The following KIAA1217 variants were observed in gnomAD, a reference collection of about 807,000 sequenced individuals.
The protein encoded by KIAA1217 is sickle tail protein homolog.
KIAA1217 carries 88 observed loss-of-function variants against 163.9 expected under a neutral mutation model. The observed-to-expected ratio is 0.54, with a 90% CI of 0.45 to 0.64. KIAA1217 has a LOEUF of 0.64. Ranked by LOEUF, KIAA1217 falls within the 30% of genes least tolerant of loss-of-function variation. The probability of loss-of-function intolerance (pLI) is 0.00; values close to 1 mark genes in which losing one functional copy is unlikely to be tolerated. For missense variants in KIAA1217, 2,372 were observed against 2,475.0 expected, an observed-to-expected ratio of 0.96 and a Z score of 0.88; for synonymous variants, 903 against 923.1, an observed-to-expected ratio of 0.98 and a Z score of 0.39.
At chr10:23,722,153 G>C (rs943845646) in intron 1 of KIAA1217, among the ~76,000 whole-genome samples, 9 of 152,156 alleles carry the variant, frequency 5.9e-5, no homozygotes, top group African/African-American at 2.2e-4. Context: ...AAGTCAAGAA[G>C]AAAGTAGAAT....
At chr10:24,201,337 C>T (rs534016783) in intron 2 of KIAA1217, among the ~76,000 whole-genome samples, 113 of 152,254 alleles carry the variant, frequency 7.4e-4, no homozygotes, top group Non-Finnish European at 1.4e-3. Flanking sequence ...AAATTAGGCT[C>T]CTAATATAGT....
At chr10:23,735,001 C>G (rs573859131) in intron 1 of KIAA1217, among the ~76,000 whole-genome samples, 3 of 152,092 alleles carry the variant, frequency 2.0e-5, no homozygotes, top group Admixed American at 1.3e-4. Flanking sequence ...GTGTTTTTCC[C>G]CTCTAAAGAA....
At chr10:24,521,057 T>C (rs1282591199) in intron 11 of KIAA1217, among the ~76,000 whole-genome samples, 1 of 147,822 alleles carries the variant, frequency 6.8e-6, no homozygotes, top group Non-Finnish European at 1.5e-5. Flanking sequence ...TTTTTTTTTT[T>C]TTTTCTGGCC....
intron 3 of KIAA1217, among the ~76,000 whole-genome samples, chr10:24,413,388 T>G (rs1204666382): frequency 6.6e-6 from 1 of 152,130 alleles, no homozygotes; most frequent in Non-Finnish European, 1.5e-5. Context: ...GTCAGGCTGG[T>G]CTCCTACTCC....
chr10:24,061,454 T>C (rs1227093776), intron 2 of KIAA1217, among the ~76,000 whole-genome samples: 1 of 152,236 alleles, frequency 6.6e-6, no homozygotes, highest in Non-Finnish European at 1.5e-5. Context: ...CAGTATTCTC[T>C]ATTTGACTAT....
chr10:24,503,478 A>G (rs2067936220), intron 9 of KIAA1217, among the ~76,000 whole-genome samples: 1 of 152,344 alleles, frequency 6.6e-6, no homozygotes. Flanking sequence ...ACAAAGTCAC[A>G]TGTCTTCAGT....
At chr10:23,936,759 T>G (rs1199158085) in intron 1 of KIAA1217, among the ~76,000 whole-genome samples, 2 of 152,228 alleles carry the variant, frequency 1.3e-5, no homozygotes, top group East Asian at 3.9e-4. Context: ...AGATAATACA[T>G]TTCTGTTGTT....
chr10:24,142,162 A>T (rs2064114156), intron 2 of KIAA1217, among the ~76,000 whole-genome samples: 1 of 152,100 alleles, frequency 6.6e-6, no homozygotes, highest in African/African-American at 2.4e-5. Flanking sequence ...TTTTCATCAG[A>T]AATACCTGAT....
At chr10:24,537,276 G>A (rs901525580) in intron 17 of KIAA1217, among the ~76,000 whole-genome samples, 3 of 152,048 alleles carry the variant, frequency 2.0e-5, no homozygotes, top group African/African-American at 7.2e-5. Context: ...TATATGTTAA[G>A]AAAAATAGGT....
At chr10:24,473,175 T>G in intron 5 of KIAA1217, 53 bp from the exon 6 acceptor site, 1 of 1,307,074 alleles carries the variant, frequency 7.7e-7, no homozygotes, top group Non-Finnish European at 1.1e-6. Flanking sequence ...CTGAGACTTC[T>G]CTTGAAACAC....
chr10:23,886,308 C>T (rs1375713558), intron 1 of KIAA1217, among the ~76,000 whole-genome samples: 1 of 151,942 alleles, frequency 6.6e-6, no homozygotes, highest in East Asian at 1.9e-4. Flanking sequence ...GAAACACTTT[C>T]CTTTGAATGT....
At position 23,726,424 on chromosome 10, in the gene KIAA1217, A is replaced by G. The variant is rs1838138041; in HGVS notation, c.-321+31190A>G. Among the ~76,000 whole-genome samples, 2 of 151,936 alleles carry G rather than the reference A, an allele frequency of 1.3e-5. 1 individual carries two copies. Among genetic ancestry groups the G allele is most frequent in the South Asian group, 4.1e-4 (2 of 4,822 alleles). ...AGGGTACGATGGATTAAAGACTTAA[A>G]TGTTAGACCTAAAACCATAGAAACC... On this transcript the variant is annotated intron_variant, in intron 1 of 18. Transcript: ENST00000376462.
chr10:24,479,313 A>G (rs978149850), intron 6 of KIAA1217, among the ~76,000 whole-genome samples: 4 of 151,846 alleles, frequency 2.6e-5, no homozygotes, highest in Non-Finnish European at 5.9e-5. Flanking sequence ...GAAAGTCTAA[A>G]TTCAGATTTA....
intron 2 of KIAA1217, among the ~76,000 whole-genome samples, chr10:24,123,667 T>A (rs564752496): frequency 6.6e-6 from 1 of 152,270 alleles, no homozygotes; most frequent in African/African-American, 2.4e-5. Flanking sequence ...GATGCTTAAG[T>A]CCCACCCCAG....
At chr10:23,705,799 C>T (rs565857999) in intron 1 of KIAA1217, among the ~76,000 whole-genome samples, 12 of 152,222 alleles carry the variant, frequency 7.9e-5, no homozygotes, top group East Asian at 1.9e-4. Context: ...AGAGAGACAG[C>T]GCCAGCTGGG....
intron 1 of KIAA1217, among the ~76,000 whole-genome samples, chr10:23,848,673 TC>T (rs1426140020): frequency 6.6e-6 from 1 of 152,048 alleles, no homozygotes; most frequent in Non-Finnish European, 1.5e-5. Context: ...TCTCAACACC[TC>T]CCTTTCTCTC....
At chr10:23,815,756 G>T (rs1339757590) in intron 1 of KIAA1217, among the ~76,000 whole-genome samples, 1 of 152,164 alleles carries the variant, frequency 6.6e-6, no homozygotes, top group East Asian at 1.9e-4. Flanking sequence ...CATATTTCAT[G>T]TATAATGAGT....
At chr10:24,530,761 G>T (rs2072998300) in intron 14 of KIAA1217, among the ~76,000 whole-genome samples, 1 of 152,136 alleles carries the variant, frequency 6.6e-6, no homozygotes, top group Non-Finnish European at 1.5e-5. Flanking sequence ...CGCTGGGCAT[G>T]GTGGCACACA....
At chr10:24,091,289 T>C (rs1307205794) in intron 2 of KIAA1217, among the ~76,000 whole-genome samples, 1 of 152,028 alleles carries the variant, frequency 6.6e-6, no homozygotes, top group East Asian at 1.9e-4. Flanking sequence ...TCTTAAACAA[T>C]GCACCCAGCG....
Sources: allele counts gnomAD v4.1 joint callset (sites outside exome capture counted in the v4.1 genomes callset), GRCh38; gene constraint gnomAD v4.1.1; transcripts MANE v1.5; gene names NCBI Gene and HGNC (gene_info 2026-07-23, HGNC 2026-07-21).